PLAGL1: variants seen among roughly 807,000 people sequenced by gnomAD.
The protein encoded by PLAGL1 is zinc finger protein PLAGL1.
A neutral mutation model predicts 4.6 loss-of-function variants in PLAGL1; 1 was observed. The ratio of observed to expected loss-of-function variants is 0.22; its 90% CI spans 0.08 to 1.03. The LOEUF is 1.03. PLAGL1 is among the 50% of genes least tolerant of loss of function. The pLI is 0.58. For missense variants in PLAGL1, 464 were observed against 570.4 expected, an observed-to-expected ratio of 0.81 and a Z score of 1.90; for synonymous variants, 240 against 237.8, an observed-to-expected ratio of 1.01 and a Z score of -0.08.
At chr6:144,017,073 T>C (rs553762327) in intron 1 of PLAGL1, among the ~76,000 whole-genome samples, 1 of 152,226 alleles carries the variant, frequency 6.6e-6, no homozygotes, top group East Asian at 1.9e-4. Context: ...TTCAAACAGA[T>C]TGTGCACCAT....
chr6:143,977,550 T>C (rs1786972190), intron 2 of PLAGL1, among the ~76,000 whole-genome samples: 1 of 146,346 alleles, frequency 6.8e-6, no homozygotes, highest in South Asian at 2.3e-4. Flanking sequence ...CTCGGCTCAC[T>C]GTAACCTCCA....
In PLAGL1 at chr6:143,942,141, G is replaced by T. The variant is rs1440436992; in HGVS notation, c.675C>A (p.Phe225Leu). 8 of 1,614,182 alleles carry T rather than the reference G, an allele frequency of 5.0e-6. No individual in the cohort carries two copies. The highest frequency in any genetic ancestry group is 6.8e-6 in the Non-Finnish European group (8 of 1,180,028). Residue 225 changes from phenylalanine to leucine, a missense_variant, in exon 8 of 8, where the codon TTC (phenylalanine) becomes TTA (leucine). Transcript: ENST00000674357. This position sits in a 1 kb window ranked among gnomAD's most constrained non-coding sequence, Gnocchi z 7.6. ...SLQTGDLLST[F>L]HTISPSFQLK... ...GTTGGAATGAAGGCGAGATGGTGTG[G>T]AAGGTGCTCAGAAGGTCTCCGGTCT... is the stretch of plus-strand genomic sequence containing the variant.
upstream of PLAGL1, among the ~76,000 whole-genome samples, chr6:144,012,373 C>T (rs1474333202): frequency 1.3e-5 from 2 of 151,708 alleles, no homozygotes; most frequent in African/African-American, 4.8e-5. The surrounding 1 kb of genome is among the most constrained non-coding windows in gnomAD (Gnocchi z 4.8). Context: ...CCATCACAAC[C>T]GGCTAATTTT....
intron 1 of PLAGL1, among the ~76,000 whole-genome samples, chr6:144,038,917 C>CA (rs1177612760): frequency 2.6e-5 from 4 of 152,210 alleles, no homozygotes; most frequent in Middle Eastern, 3.4e-3. Flanking sequence ...TACTAAAAGC[C>CA]ATTTTAAATG....
rs1785389595 is a variant in PLAGL1 at position 143,971,338 on chromosome 6, T to A, written c.-543-2360A>T. ...CCATTAATCAAAACAGAAGTGCAAA[T>A]AAGTTTCCTTAAAAATAATCTTGGT... is the stretch of plus-strand genomic sequence containing the variant. On this transcript the variant is annotated intron_variant, in intron 2 of 7. Transcript: ENST00000674357. The surrounding 1 kb of genome is among the most constrained non-coding windows in gnomAD (Gnocchi z 4.7). Among the ~76,000 whole-genome samples the A allele has an allele frequency of 6.6e-6, 1 of 152,160 alleles. No homozygotes were observed. Among genetic ancestry groups the A allele is most frequent in the Non-Finnish European group, 1.5e-5 (1 of 68,014 alleles).
In PLAGL1 at chr6:143,941,932, G is replaced by A. The variant is rs200573380; in HGVS notation, c.884C>T (p.Pro295Leu). 73 of 1,609,052 alleles carry A rather than the reference G, an allele frequency of 4.5e-5. No homozygotes were observed. In the East Asian group the frequency reaches 6.2e-4, roughly 14 times the overall value. The change falls in exon 8 of 8, where the codon CCG becomes CTG. Residue 295 changes from proline (P) to leucine (L), a missense_variant. Pro to Leu is a moderately conservative substitution (Grantham distance 98). Around this residue, in one of 4 missense-constraint regions of PLAGL1, gnomAD observed 248 missense variants for 250.1 expected, o/e 0.99. Transcript: ENST00000674357. The surrounding 1 kb of genome is among the most constrained non-coding windows in gnomAD (Gnocchi z 6.0). ...GTACTTGTGATTGGGAAGGGGTGGC[G>A]GAGGAGAGCCAGGGGATACCGAGGG... is the stretch of plus-strand genomic sequence containing the variant. ...LHPSVSPGSP[P>L]PPLPNHKYNT...
upstream of PLAGL1, among the ~76,000 whole-genome samples, chr6:144,008,997 A>G (rs776310327): frequency 6.6e-6 from 1 of 152,214 alleles, no homozygotes; most frequent in Non-Finnish European, 1.5e-5. The surrounding 1 kb of genome is among the most constrained non-coding windows in gnomAD (Gnocchi z 6.9). Context: ...AACTGAAGGG[A>G]ATCTCTATTG....
At chr6:143,956,531 T>A (rs1015498448) in intron 6 of PLAGL1, among the ~76,000 whole-genome samples, 1 of 152,302 alleles carries the variant, frequency 6.6e-6, no homozygotes, top group South Asian at 2.1e-4. Flanking sequence ...ACAAACAAGA[T>A]CCTAATAAAC....
intron 1 of PLAGL1, among the ~76,000 whole-genome samples, chr6:144,051,156 C>A (rs1457437809): frequency 6.6e-6 from 1 of 152,196 alleles, no homozygotes; most frequent in Non-Finnish European, 1.5e-5. Flanking sequence ...CAATTACGTA[C>A]TTTCTCTAAG....
intron 1 of PLAGL1, among the ~76,000 whole-genome samples, chr6:143,999,540 T>C (rs542499429): frequency 6.6e-6 from 1 of 152,252 alleles, no homozygotes; most frequent in Admixed American, 6.5e-5. Flanking sequence ...ATGCAAGAGC[T>C]ATCTCTATCT....
Position 144,056,439 on chromosome 6 carries a change from T to C in PLAGL1, c.-151+8029A>G, listed in dbSNP as rs1289063182. On this transcript the variant is annotated intron_variant, in intron 1 of 3. Transcript: ENST00000437412. This position sits in a 1 kb window ranked among gnomAD's most constrained non-coding sequence, Gnocchi z 4.7. ...GCATATATCTACTAATATAGTGCCA[T>C]ACAGAGTAGTGTCACTGCTCTAAAC... Among the ~76,000 whole-genome samples the C allele has an allele frequency of 6.6e-6, 1 of 152,244 alleles. No individual in the cohort carries two copies. The highest frequency in any genetic ancestry group is 1.5e-5 in the Non-Finnish European group (1 of 68,050).
intron 1 of PLAGL1, among the ~76,000 whole-genome samples, chr6:143,993,823 AG>A (rs1791064863): frequency 6.6e-6 from 1 of 152,190 alleles, no homozygotes; most frequent in South Asian, 2.1e-4. Context: ...AGAAAATTCT[AG>A]GGCTGTGTTT....
At position 144,004,003 on chromosome 6, in the gene PLAGL1, CAAGAAA is replaced by C. The variant is rs1793573013; in HGVS notation, c.-584+4081_-584+4086del. ...TGAAAACAACTCAAATGTTAATCGA[CAAGAAA>C]ATGAATAAGTAAATTGCTCATATTA... On this transcript the variant is annotated intron_variant, in intron 1 of 7. Transcript: ENST00000674357. The surrounding 1 kb of genome is among the most constrained non-coding windows in gnomAD (Gnocchi z 4.2). Among the ~76,000 whole-genome samples the C allele has an allele frequency of 1.3e-5, 2 of 152,060 alleles. No homozygotes were observed. Among genetic ancestry groups the C allele is most frequent in the Non-Finnish European group, 2.9e-5 (2 of 68,012 alleles).
chr6:144,011,334 A>G (rs981764195), upstream of PLAGL1, among the ~76,000 whole-genome samples: 2 of 152,264 alleles, frequency 1.3e-5, no homozygotes, highest in East Asian at 3.8e-4. The surrounding 1 kb of genome is among the most constrained non-coding windows in gnomAD (Gnocchi z 4.3). Context: ...TATGTGGCCA[A>G]CAAACATATG....
rs1786320435 is a variant in PLAGL1 at position 143,975,491 on chromosome 6, G to A, written c.-543-6513C>T. 6.6e-6 allele frequency among the ~76,000 whole-genome samples: 1 copy of A among 152,122 alleles called. No individual in the cohort carries two copies. The highest frequency in any genetic ancestry group is 2.4e-5 in the African/African-American group (1 of 41,410). On this transcript the variant is annotated intron_variant, in intron 2 of 7. Coordinates refer to ENST00000674357, the MANE Select transcript of PLAGL1 (RefSeq NM_001317162.2). The surrounding 1 kb of genome is among the most constrained non-coding windows in gnomAD (Gnocchi z 5.8). ...ATATAAAGCTCCTAAAACAGCATTG[G>A]CATACAGTGAAAGATCAATAATTAT... is the stretch of plus-strand genomic sequence containing the variant.
rs1226319773 is a variant in PLAGL1 at position 143,983,485 on chromosome 6, G to T, written c.-544+1650C>A. ...TATCCTTGAGCAGGTGAGAGGAGAT[G>T]GGACTAAGAATATAAGTACAAGGGT... On this transcript the variant is annotated intron_variant, in intron 2 of 7. Transcript: ENST00000674357. This position sits in a 1 kb window ranked among gnomAD's most constrained non-coding sequence, Gnocchi z 6.6. Among the ~76,000 whole-genome samples the T allele has an allele frequency of 6.6e-6, 1 of 152,144 alleles. No homozygotes were observed. Among genetic ancestry groups the T allele is most frequent in the Non-Finnish European group, 1.5e-5 (1 of 68,010 alleles).
rs368323842 is a variant in PLAGL1, at chr6:144,057,115, C to T, written c.-151+7353G>A. 2.5e-3 allele frequency among the ~76,000 whole-genome samples: 388 copies of T among 152,306 alleles called. 2 individuals carry two copies. Among genetic ancestry groups the T allele is most frequent in the African/African-American group, 9.0e-3 (373 of 41,560 alleles). On this transcript the variant is annotated intron_variant, in intron 1 of 3. Transcript: ENST00000437412. ...TCTTGGTGTAGACTTCAGTTTTCAA[C>T]TCCTTTGGGTAAATACCAAGTAGTG... is the stretch of plus-strand genomic sequence containing the variant.
chr6:144,030,470 A>G (rs1303356946), intron 1 of PLAGL1, among the ~76,000 whole-genome samples: 1 of 152,030 alleles, frequency 6.6e-6, no homozygotes, highest in African/African-American at 2.4e-5. Flanking sequence ...ACTTTACCCA[A>G]TGTGTAGTCT....
At chr6:143,956,221 T>C (rs1198662229) in intron 6 of PLAGL1, among the ~76,000 whole-genome samples, 2 of 152,206 alleles carry the variant, frequency 1.3e-5, no homozygotes, top group Non-Finnish European at 2.9e-5. Context: ...AGTGGTTTGG[T>C]CAAGTGGGCT....
Sources: allele counts gnomAD v4.1 joint callset (sites outside exome capture counted in the v4.1 genomes callset), GRCh38; gene constraint gnomAD v4.1.1; regional missense constraint gnomAD v4.1.1; non-coding constraint Gnocchi (gnomAD v3.1); transcripts MANE v1.5; gene names NCBI Gene and HGNC (gene_info 2026-07-23, HGNC 2026-07-21).